Variants in A2M observed in about 807,000 individuals in gnomAD.
A2M encodes C3 and PZP-like alpha-2-macroglobulin domain-containing protein 5.
In A2M, 128 loss-of-function variants were observed where a neutral mutation model predicts 183.9. That is an observed-to-expected ratio of 0.70 (90% CI 0.60 to 0.81). The LOEUF is 0.81. Among genes scored for constraint, A2M ranks in the 30% least tolerant of loss-of-function variants. A2M has a pLI of 0.00. For missense variants in A2M, 1,495 were observed against 1,787.6 expected (o/e 0.84, Z 2.95); for synonymous variants, 592 against 670.8 (o/e 0.88, Z 1.81).
At chr12:9,108,614 C>T (rs1938488704) in intron 7 of A2M, among the ~76,000 whole-genome samples, 2 of 152,182 alleles carry the variant, frequency 1.3e-5, no homozygotes, top group Admixed American at 1.3e-4. Context: ...AGGGGCCTAG[C>T]TGAATAGTAG....
intron 4 of A2M, among the ~76,000 whole-genome samples, chr12:9,110,560 G>T (rs1030084284): frequency 1.8e-4 from 27 of 151,654 alleles, no homozygotes; most frequent in Admixed American, 1.6e-3. Flanking sequence ...GGCATGCAAT[G>T]CATGATAATA....
rs368902452 is a variant in A2M at position 9,106,262 on chromosome 12, G to A, written c.1078C>T (p.Arg360Ter). Residue 360 changes from arginine to a stop codon, truncating the protein, a stop_gained, in exon 10 of 36, where the codon CGA becomes TGA. Coordinates refer to ENST00000318602, the MANE Select transcript of A2M (RefSeq NM_000014.6). LOFTEE classifies it high-confidence loss of function. The stretch of plus-strand genomic sequence containing the variant: ...TGCCCAAAGAAGGGAATTCCCTGTC[G>A]AAAGTGTGAGTCCACTTTCACAAAT... ...LSFVKVDSHF[R>*]QGIPFFGQVR... 39 of 1,612,266 alleles carry A rather than the reference G, an allele frequency of 2.4e-5. No individual in the cohort carries two copies. The highest frequency in any genetic ancestry group is 6.7e-5 in the African/African-American group (5 of 74,860).
chr12:9,075,874 T>C (rs3026223), intron 28 of A2M, among the ~76,000 whole-genome samples: 2,427 of 152,264 alleles, frequency 0.016, 68 homozygotes, highest in African/African-American at 0.056. Flanking sequence ...TATGAGAGAG[T>C]TGTACAGTGT....
intron 22 of A2M, among the ~76,000 whole-genome samples, chr12:9,084,812 G>C (rs1252597346): frequency 6.6e-6 from 1 of 152,062 alleles, no homozygotes; most frequent in Non-Finnish European, 1.5e-5. Context: ...GACACACATA[G>C]ACTGAAAGTG....
chr12:9,089,864 A>G (rs1284235241), intron 21 of A2M, 38 bp downstream of exon 21: 2 of 1,358,126 alleles, frequency 1.5e-6, no homozygotes, highest in Non-Finnish European at 2.0e-6. Context: ...CATATATTAT[A>G]TATTATTGTG....
intron 24 of A2M, 148 bp downstream of exon 24, chr12:9,079,491 A>T: frequency 9.7e-7 from 1 of 1,028,374 alleles, no homozygotes; most frequent in Non-Finnish European, 1.4e-6. Flanking sequence ...GAGGTTGGAG[A>T]GTGGATAGTT....
chr12:9,091,201 C>T lies in A2M; in HGVS notation c.2469G>A (p.Arg823=). Residue 823 remains arginine, a splice_region_variant and synonymous_variant, in exon 19 of 36, where the codon CGG becomes CGA. Transcript: ENST00000318602. The part of the protein sequence containing the change: ...TVLNYLPKCI[R]VSVQLEASPA... The stretch of plus-strand genomic sequence containing the variant: ...TTTAATTTAGGAAAGAGATCCTTAC[C>T]CGGATGCATTTGGGAAGGTAGTTTA... 1 of 1,613,046 alleles carries T rather than the reference C, an allele frequency of 6.2e-7. No individual in the cohort carries two copies. The highest frequency in any genetic ancestry group is 1.7e-4 in the Middle Eastern group (1 of 6,060).
intron 13 of A2M, among the ~76,000 whole-genome samples, chr12:9,100,764 A>G (rs1937771648): frequency 6.6e-6 from 1 of 152,182 alleles, no homozygotes; most frequent in African/African-American, 2.4e-5. Flanking sequence ...GGAATGGAAA[A>G]CCAAACATCA....
chr12:9,072,068 T>C (rs980560363), intron 31 of A2M, among the ~76,000 whole-genome samples: 1 of 152,170 alleles, frequency 6.6e-6, no homozygotes, highest in African/African-American at 2.4e-5. Context: ...AAGAATAATA[T>C]AGGATTTCAT....
At chr12:9,107,778 A>T (rs1262860128) in intron 7 of A2M, 134 bp from the exon 8 acceptor site, 1 of 955,132 alleles carries the variant, frequency 1.0e-6, no homozygotes, top group Non-Finnish European at 1.5e-6. Context: ...GGCTCACACA[A>T]TATTGAAGAC....
In A2M at chr12:9,068,769, A is replaced by G. The variant is rs1948471799; in HGVS notation, c.4337T>C (p.Ile1446Thr). ...DVPVRDLKPA[I>T]VKVYDYYETD... ...CTCGTAGTAATCATAGACTTTCACT[A>G]TGGCTGGTTTCAGATCTCTTACTGG... The change falls in exon 34 of 36, where the codon ATA becomes ACA. Residue 1446 changes from isoleucine to threonine, a missense_variant. Ile to Thr is a moderately conservative substitution (Grantham distance 89). Transcript: ENST00000318602. The G allele has an allele frequency of 1.2e-6, 2 of 1,608,192 alleles. No individual in the cohort carries two copies. Among genetic ancestry groups the G allele is most frequent in the Admixed American group, 1.7e-5 (1 of 59,298 alleles).
chr12:9,101,234 T>A (rs950399783), intron 12 of A2M, 27 bp from the exon 13 acceptor site: 1 of 1,549,956 alleles, frequency 6.5e-7, no homozygotes, highest in Admixed American at 2.0e-5. Context: ...AAAAAGAAAT[T>A]AAATGTGCCA....
chr12:9,075,471 C>T (rs780211208), intron 28 of A2M, among the ~76,000 whole-genome samples: 10 of 152,086 alleles, frequency 6.6e-5, no homozygotes, highest in East Asian at 3.9e-4. Flanking sequence ...AGGAGAAACT[C>T]GATGTGTAAA....
intron 21 of A2M, 145 bp downstream of exon 21, chr12:9,089,757 A>C (rs1949152007): frequency 1.6e-6 from 1 of 624,934 alleles, no homozygotes; most frequent in African/African-American, 1.9e-5. Flanking sequence ...AAAAACAAAA[A>C]CCCCCAACAA....
intron 10 of A2M, among the ~76,000 whole-genome samples, chr12:9,105,763 C>T (rs908234874): frequency 3.3e-5 from 5 of 152,088 alleles, no homozygotes; most frequent in Non-Finnish European, 7.4e-5. Flanking sequence ...ATATACTATC[C>T]ATGAAATAAA....
rs751889073 is a variant in A2M at position 9,079,680 on chromosome 12, G to A, written c.2990C>T (p.Thr997Ile). The A allele has an allele frequency of 1.2e-6, 2 of 1,613,708 alleles. No homozygotes were observed. Among genetic ancestry groups the A allele is most frequent in the Non-Finnish European group, 1.7e-6 (2 of 1,179,726 alleles). ...LDYLNETQQL[T>I]PEIKSKAIGY... ...AATGGCCTTGGACTTGATCTCTGGA[G>A]TAAGCTGCTGTGTTTCATTTAGATA... The change falls in exon 24 of 36, where the codon ACT (threonine) becomes ATT (isoleucine). Residue 997 changes from threonine to isoleucine, a missense_variant. Transcript: ENST00000318602.
intron 15 of A2M, 50 bp downstream of exon 15, chr12:9,098,557 T>C: frequency 6.4e-7 from 1 of 1,553,390 alleles, no homozygotes; most frequent in Non-Finnish European, 8.7e-7. Context: ...TTCCTTGCTC[T>C]GAGCCCCTGG....
intron 4 of A2M, 115 bp from the exon 5 acceptor site, chr12:9,110,449 A>T (rs1938639236): frequency 1.8e-6 from 1 of 553,054 alleles, no homozygotes; most frequent in East Asian, 3.3e-5. Context: ...AGTAAAAAAT[A>T]ATTTAATTGT....
Position 9,112,149 on chromosome 12 carries a change from G to T in A2M, c.483+10C>A. The T allele has an allele frequency of 3.1e-6, 5 of 1,613,266 alleles. No homozygotes were observed. The highest frequency in any genetic ancestry group is 4.2e-6 in the Non-Finnish European group (5 of 1,179,360). On this transcript the variant is annotated intron_variant, in intron 4 of 35. Coordinates refer to ENST00000318602, the MANE Select transcript of A2M (RefSeq NM_000014.6). ...AGACAATCATTTTATGTAGATAATAGAAAACTCACCAACTCATTCAGGGGG... is the reference window on the plus strand; with the variant it reads ...AGACAATCATTTTATGTAGATAATATAAAACTCACCAACTCATTCAGGGGG...
Sources: gnomAD v4.1 joint callset for allele counts (sites outside exome capture counted in the v4.1 genomes callset) on GRCh38, gnomAD v4.1.1 for gene constraint, MANE v1.5 for transcripts, NCBI Gene and HGNC (gene_info 2026-07-23, HGNC 2026-07-21) for gene names.